The following FBXL7 variants were observed in gnomAD, a reference collection of about 807,000 sequenced individuals.
FBXL7 encodes the protein F-box/LRR-repeat protein 7.
A neutral mutation model predicts 38.3 loss-of-function variants in FBXL7; 12 were observed. The ratio of observed to expected loss-of-function variants is 0.31; its 90% CI spans 0.20 to 0.51. FBXL7 has a LOEUF of 0.51. Ranked by LOEUF, FBXL7 falls within the 20% of genes least tolerant of loss-of-function variation. The pLI is 0.98. For synonymous variants in FBXL7, 297 were observed against 300.9 expected (o/e 0.99, Z 0.13); for missense variants, 567 against 676.4 (o/e 0.84, Z 1.79).
At chr5:15,794,741 T>C (rs957789240) in intron 2 of FBXL7, among the ~76,000 whole-genome samples, 7 of 152,206 alleles carry the variant, frequency 4.6e-5, no homozygotes, top group Admixed American at 2.6e-4. Flanking sequence ...GGCTAACCAG[T>C]GATCACACAA....
At chr5:15,818,923 TAA>T (rs1738095481) in intron 2 of FBXL7, among the ~76,000 whole-genome samples, 1 of 152,086 alleles carries the variant, frequency 6.6e-6, no homozygotes, top group Non-Finnish European at 1.5e-5. Flanking sequence ...TAAACTCCAT[TAA>T]GCTTGCCTCT....
At chr5:15,794,638 A>C (rs1383311826) in intron 2 of FBXL7, among the ~76,000 whole-genome samples, 1 of 152,140 alleles carries the variant, frequency 6.6e-6, no homozygotes, top group African/African-American at 2.4e-5. Context: ...TTGCTCACAG[A>C]TTCTGGGGCT....
intron 1 of FBXL7, among the ~76,000 whole-genome samples, chr5:15,603,396 C>G (rs1739871131): frequency 6.6e-6 from 1 of 152,170 alleles, no homozygotes; most frequent in African/African-American, 2.4e-5. Context: ...TCTCATGATA[C>G]TTCTATGAGT....
chr5:15,518,739 G>A (rs764420124), intron 1 of FBXL7, among the ~76,000 whole-genome samples: 1 of 152,078 alleles, frequency 6.6e-6, no homozygotes, highest in Non-Finnish European at 1.5e-5. Flanking sequence ...TGTTGAGGCC[G>A]GGAGAGTGAA....
intron 2 of FBXL7, among the ~76,000 whole-genome samples, chr5:15,846,619 C>T (rs1032781484): frequency 1.3e-5 from 2 of 152,138 alleles, no homozygotes; most frequent in Non-Finnish European, 2.9e-5. Context: ...GTTGCAAAGT[C>T]CCTAGTTATA....
chr5:15,510,110 T>C (rs1035002241), intron 1 of FBXL7, among the ~76,000 whole-genome samples: 1 of 152,236 alleles, frequency 6.6e-6, no homozygotes, highest in African/African-American at 2.4e-5. Flanking sequence ...CTTTAAATTC[T>C]TAAACCAGTA....
At chr5:15,872,014 A>G (rs1739986216) in intron 2 of FBXL7, among the ~76,000 whole-genome samples, 1 of 152,206 alleles carries the variant, frequency 6.6e-6, no homozygotes, top group Admixed American at 6.5e-5. Flanking sequence ...AATGAAGGAA[A>G]AAATGTTAAG....
intron 1 of FBXL7, among the ~76,000 whole-genome samples, chr5:15,533,087 G>A (rs1368754908): frequency 6.6e-6 from 1 of 152,194 alleles, no homozygotes; most frequent in African/African-American, 2.4e-5. Context: ...GGGATATCCA[G>A]TGGACATTGA....
intron 1 of FBXL7, among the ~76,000 whole-genome samples, chr5:15,589,394 G>A (rs1333363373): frequency 3.3e-5 from 5 of 152,080 alleles, no homozygotes; most frequent in Admixed American, 1.3e-4. Context: ...AAAGTATGTA[G>A]TGCCTCCTCC....
intron 2 of FBXL7, among the ~76,000 whole-genome samples, chr5:15,819,824 C>A (rs1738123483): frequency 6.6e-6 from 1 of 152,290 alleles, no homozygotes; most frequent in East Asian, 1.9e-4. Context: ...GGAAAGGAAA[C>A]CTTCAGAGAG....
intron 1 of FBXL7, among the ~76,000 whole-genome samples, chr5:15,507,144 A>G (rs1202231545): frequency 6.6e-6 from 1 of 151,988 alleles, no homozygotes; most frequent in East Asian, 1.9e-4. Flanking sequence ...CTTATTGGAT[A>G]TGTGCATATT....
intron 2 of FBXL7, among the ~76,000 whole-genome samples, chr5:15,626,550 G>GTT (rs1740827931): frequency 6.7e-6 from 1 of 149,042 alleles, no homozygotes; most frequent in Non-Finnish European, 1.5e-5. Context: ...TTTCCTGTGT[G>GTT]TGTGTGTGTG....
intron 2 of FBXL7, among the ~76,000 whole-genome samples, chr5:15,678,941 T>C (rs1049623907): frequency 6.6e-6 from 1 of 152,240 alleles, no homozygotes; most frequent in African/African-American, 2.4e-5. Context: ...AAAGTGCATT[T>C]GAATATCATA....
chr5:15,501,560 G>A (rs566718921), intron 1 of FBXL7: 19 of 985,552 alleles, frequency 1.9e-5, no homozygotes, highest in Middle Eastern at 5.2e-4. Flanking sequence ...GAAGAGGAGT[G>A]GAAGAGACCG....
intron 2 of FBXL7, among the ~76,000 whole-genome samples, chr5:15,764,506 A>T (rs905287199): frequency 1.3e-5 from 2 of 152,184 alleles, no homozygotes; most frequent in Non-Finnish European, 2.9e-5. Flanking sequence ...GGCCTCTAGG[A>T]TCCATAAAGG....
At chr5:15,764,870 A>G (rs1199159812) in intron 2 of FBXL7, among the ~76,000 whole-genome samples, 1 of 152,250 alleles carries the variant, frequency 6.6e-6, no homozygotes, top group Non-Finnish European at 1.5e-5. Context: ...TTTCCTCTAA[A>G]GGGCCAGATT....
At chr5:15,671,164 A>C (rs1180896502) in intron 2 of FBXL7, among the ~76,000 whole-genome samples, 1 of 152,132 alleles carries the variant, frequency 6.6e-6, no homozygotes. Flanking sequence ...CCACTTTTGT[A>C]GTGGGAAGAA....
At chr5:15,871,307 CA>C (rs1343277221) in intron 2 of FBXL7, among the ~76,000 whole-genome samples, 4 of 152,140 alleles carry the variant, frequency 2.6e-5, no homozygotes, top group Non-Finnish European at 4.4e-5. Context: ...TCACCAACAC[CA>C]AAGACCAAAG....
chr5:15,569,669 A>G (rs1235623214), intron 1 of FBXL7, among the ~76,000 whole-genome samples: 5 of 151,950 alleles, frequency 3.3e-5, no homozygotes, highest in Non-Finnish European at 7.4e-5. Context: ...GTCTTGTGCC[A>G]GTTTTCAAAG....
Sources: gnomAD v4.1 joint callset for allele counts (sites outside exome capture counted in the v4.1 genomes callset) on GRCh38, gnomAD v4.1.1 for gene constraint, MANE v1.5 for transcripts, NCBI Gene and HGNC (gene_info 2026-07-23, HGNC 2026-07-21) for gene names.